The following SCHIP1 variants were observed in gnomAD, a reference collection of about 807,000 sequenced individuals.
The protein encoded by SCHIP1 is schwannomin interacting protein 1.
SCHIP1 carries 8 observed loss-of-function variants against 29.7 expected under a neutral mutation model. That is an observed-to-expected ratio of 0.27 (90% confidence interval 0.16 to 0.49). The LOEUF (loss-of-function observed/expected upper bound fraction) is 0.49, where lower values mean the gene tolerates loss of function less well. SCHIP1 is among the 20% of genes least tolerant of loss of function. SCHIP1 has a pLI of 0.99. For synonymous variants in SCHIP1, 76 were observed against 94.9 expected (o/e 0.80, Z 1.16); for missense variants, 193 against 294.6 (o/e 0.66, Z 2.52).
At chr3:159,866,388 C>G (rs534686734) in intron 2 of SCHIP1, 107 bp downstream of exon 3, 1 of 1,057,806 alleles carries the variant, frequency 9.5e-7, no homozygotes, top group South Asian at 1.7e-5. Flanking sequence ...TTTTTTTCCC[C>G]CTCGCATAAT....
the SCHIP1 span, among the ~76,000 whole-genome samples, chr3:159,629,427 C>A: frequency 6.6e-6 from 1 of 152,298 alleles, no homozygotes; most frequent in South Asian, 2.1e-4. Flanking sequence ...TTCATTTTAT[C>A]TTTGAGCTTC....
chr3:159,287,436 C>T, the SCHIP1 span, among the ~76,000 whole-genome samples: 145 of 151,914 alleles, frequency 9.5e-4, 2 homozygotes, highest in East Asian at 0.027. Context: ...CTTCATGATT[C>T]ATTGAAATAT....
chr3:159,557,420 T>G, the SCHIP1 span, among the ~76,000 whole-genome samples: 20 of 152,368 alleles, frequency 1.3e-4, no homozygotes, highest in Admixed American at 1.3e-3. Flanking sequence ...TGGCCTTATT[T>G]CATAATCCAT....
the SCHIP1 span, among the ~76,000 whole-genome samples, chr3:159,758,845 CTG>C: frequency 6.6e-6 from 1 of 152,346 alleles, no homozygotes; most frequent in African/African-American, 2.4e-5. Flanking sequence ...CTGACACCCT[CTG>C]TGTGACTTTT....
rs150811767 is a variant in SCHIP1 at position 159,890,570 on chromosome 3, T to C, written c.590-1527T>C. 5.5e-3 allele frequency among the ~76,000 whole-genome samples: 840 copies of C among 152,324 alleles called. 7 individuals carry two copies. The highest frequency in any genetic ancestry group is 0.019 in the African/African-American group (804 of 41,586). The stretch of plus-strand genomic sequence containing the variant: ...AACATTTTGATTAAGAAACCATAGA[T>C]TCACAGGATTTTTTAAAAAAATTCT... On this transcript the variant is annotated intron_variant, in intron 5 of 6. Coordinates refer to ENST00000445224, the Ensembl canonical transcript of SCHIP1.
chr3:159,563,547 G>C, the SCHIP1 span, among the ~76,000 whole-genome samples: 1 of 151,962 alleles, frequency 6.6e-6, no homozygotes, highest in Non-Finnish European at 1.5e-5. Context: ...TACTAAAGGA[G>C]GCCAGGTGTG....
chr3:159,831,025 A>C, the SCHIP1 span, among the ~76,000 whole-genome samples: 1 of 152,204 alleles, frequency 6.6e-6, no homozygotes, highest in Non-Finnish European at 1.5e-5. Context: ...ACTTAGACAC[A>C]AGGTATCTGC....
At chr3:159,429,088 C>T in the SCHIP1 span, among the ~76,000 whole-genome samples, 1 of 151,588 alleles carries the variant, frequency 6.6e-6, no homozygotes, top group Non-Finnish European at 1.5e-5. Flanking sequence ...GGAGATATAC[C>T]TAATGCTAGA....
At chr3:159,662,529 C>T in the SCHIP1 span, among the ~76,000 whole-genome samples, 2 of 152,210 alleles carry the variant, frequency 1.3e-5, no homozygotes, top group African/African-American at 4.8e-5. Context: ...AACTACAAAT[C>T]AACTACACCC....
At chr3:159,635,880 CATT>C in the SCHIP1 span, among the ~76,000 whole-genome samples, 22 of 152,128 alleles carry the variant, frequency 1.4e-4, no homozygotes, top group African/African-American at 5.3e-4. Flanking sequence ...TAAAAGTTAT[CATT>C]GTCTTAATAG....
At chr3:159,481,002 A>G in the SCHIP1 span, among the ~76,000 whole-genome samples, 1 of 152,254 alleles carries the variant, frequency 6.6e-6, no homozygotes, top group African/African-American at 2.4e-5. Flanking sequence ...CGGGGGTCAC[A>G]AGGTGCTCAG....
chr3:159,668,965 A>G, the SCHIP1 span, among the ~76,000 whole-genome samples: 2 of 152,166 alleles, frequency 1.3e-5, no homozygotes, highest in Admixed American at 6.5e-5. Context: ...CATTTGAAGC[A>G]ATGCAGTCTT....
At chr3:159,469,257 G>A in the SCHIP1 span, among the ~76,000 whole-genome samples, 1 of 152,122 alleles carries the variant, frequency 6.6e-6, no homozygotes, top group Non-Finnish European at 1.5e-5. Context: ...TGAAAGAGGT[G>A]AATTTTAAAT....
the SCHIP1 span, among the ~76,000 whole-genome samples, chr3:159,785,629 T>C: frequency 3.3e-3 from 505 of 151,868 alleles, 1 homozygote; most frequent in African/African-American, 0.012. Flanking sequence ...AAGTTGTAGC[T>C]TATGCTTGAG....
the SCHIP1 span, among the ~76,000 whole-genome samples, chr3:159,403,053 T>C: frequency 1.3e-5 from 2 of 152,142 alleles, no homozygotes; most frequent in South Asian, 4.1e-4. Context: ...TGGAAGACCA[T>C]GGGCCAGGGA....
the SCHIP1 span, among the ~76,000 whole-genome samples, chr3:159,814,154 C>T: frequency 6.6e-6 from 1 of 152,302 alleles, no homozygotes; most frequent in East Asian, 1.9e-4. Context: ...AAGGTAGGAG[C>T]AGTAGCAACC....
chr3:159,886,146 T>C, intron 2 of SCHIP1, 61 bp from the exon 4 acceptor site: 1 of 1,589,950 alleles, frequency 6.3e-7, no homozygotes, highest in Non-Finnish European at 8.6e-7. Context: ...GACAGTTCTA[T>C]TGGCTGAAGC....
At chr3:159,611,517 C>T in the SCHIP1 span, among the ~76,000 whole-genome samples, 1 of 44,618 alleles carries the variant, frequency 2.2e-5, no homozygotes, top group Non-Finnish European at 4.1e-5. Context: ...CATCATACAC[C>T]AGGGCGTGTT....
chr3:159,592,423 A>G, the SCHIP1 span, among the ~76,000 whole-genome samples: 1 of 152,000 alleles, frequency 6.6e-6, no homozygotes, highest in Non-Finnish European at 1.5e-5. Context: ...AACACACCAT[A>G]AGGCCTTTTC....
Sources: allele counts gnomAD v4.1 joint callset (sites outside exome capture counted in the v4.1 genomes callset), GRCh38; gene constraint gnomAD v4.1.1; transcripts MANE v1.5; gene names NCBI Gene and HGNC (gene_info 2026-07-23, HGNC 2026-07-21).